The following GRHL2 variants were observed in gnomAD, a reference collection of about 807,000 sequenced individuals.
GRHL2 encodes the protein grainyhead like transcription factor 2, also known as grainyhead-like protein 2 homolog.
GRHL2 carries 21 observed loss-of-function variants against 83.8 expected under a neutral mutation model. The ratio of observed to expected loss-of-function variants is 0.25; its 90% confidence interval spans 0.18 to 0.36. The LOEUF is 0.36. Ranked by LOEUF, GRHL2 falls within the 10% of genes least tolerant of loss-of-function variation. The probability of loss-of-function intolerance (pLI) is 1.00; values close to 1 mark genes in which losing one functional copy is unlikely to be tolerated. For synonymous variants in GRHL2, 280 were observed against 278.9 expected (o/e 1.00, Z -0.04); for missense variants, 623 against 781.8 (o/e 0.80, Z 2.42).
At chr8:101,630,087 C>T (rs1716099584) in intron 9 of GRHL2, among the ~76,000 whole-genome samples, 2 of 152,114 alleles carry the variant, frequency 1.3e-5, no homozygotes, top group Non-Finnish European at 2.9e-5. Context: ...AAATATTCAG[C>T]TATTTCAATT....
At chr8:101,620,792 G>A (rs188512098) in intron 9 of GRHL2, among the ~76,000 whole-genome samples, 3 of 152,266 alleles carry the variant, frequency 2.0e-5, no homozygotes, top group Non-Finnish European at 2.9e-5. Flanking sequence ...TGTGAGACTC[G>A]GGTGGGAGGG....
intron 8 of GRHL2, among the ~76,000 whole-genome samples, chr8:101,604,024 A>G (rs1364756297): frequency 6.7e-6 from 1 of 149,634 alleles, no homozygotes; most frequent in Non-Finnish European, 1.5e-5. Context: ...TTTTGCAAAA[A>G]AAAAAAAAAA....
chr8:101,651,821 T>C (rs1222136857), intron 14 of GRHL2, among the ~76,000 whole-genome samples: 2 of 152,218 alleles, frequency 1.3e-5, no homozygotes, highest in African/African-American at 4.8e-5. Context: ...ATGGCAATTC[T>C]GATTTCATCT....
intron 9 of GRHL2, among the ~76,000 whole-genome samples, chr8:101,620,107 C>T (rs1812934539): frequency 6.6e-6 from 1 of 152,188 alleles, no homozygotes; most frequent in African/African-American, 2.4e-5. Flanking sequence ...GCTGCCTTCT[C>T]ACTGTGTCCT....
At chr8:101,618,433 A>G (rs910995542) in intron 8 of GRHL2, among the ~76,000 whole-genome samples, 6 of 152,106 alleles carry the variant, frequency 3.9e-5, no homozygotes, top group Non-Finnish European at 8.8e-5. Context: ...CTAATTCACT[A>G]TATTTTCTCT....
At position 101,524,458 on chromosome 8, in the gene GRHL2, A is replaced by G. The variant is rs1342748002; in HGVS notation, c.21-18783A>G. On this transcript the variant is annotated intron_variant, in intron 1 of 15. Coordinates refer to ENST00000646743, the MANE Select transcript of GRHL2 (RefSeq NM_024915.4). ...AACTTTTTAGCCTTTGTTCCCATCTAACATAAGCAGTTAAAGTATGAAATT... is the reference window on the plus strand; with the variant it reads ...AACTTTTTAGCCTTTGTTCCCATCTGACATAAGCAGTTAAAGTATGAAATT... Among the ~76,000 whole-genome samples, 5 of 152,148 alleles carry G rather than the reference A, an allele frequency of 3.3e-5. No homozygotes were observed. The East Asian group carries it at 9.6e-4, about 29-fold the overall frequency.
chr8:101,558,682 G>A lies in GRHL2; in HGVS notation c.548G>A (p.Arg183Gln), dbSNP rs142411476. The A allele has an allele frequency of 2.0e-4, 327 of 1,614,158 alleles. No homozygotes were observed. Among genetic ancestry groups the A allele is most frequent in the Non-Finnish European group, 2.3e-4 (271 of 1,180,030 alleles). Residue 183 changes from arginine to glutamine, a missense_variant, in exon 4 of 16, where the codon CGA becomes CAA. By Grantham distance (43) the Arg-to-Gln change is conservative. This residue lies in a region of GRHL2 where 239 missense variants were observed against 240.5 expected (regional missense o/e 0.99). Transcript: ENST00000646743. ...HYPRGDGEEQ[R>Q]VVIFEQTQYD... ...CCCCGGGGAGATGGGGAAGAGCAAC[G>A]AGTGGTTATCTTTGAACAGACTCAG...
intron 8 of GRHL2, among the ~76,000 whole-genome samples, chr8:101,600,224 C>T (rs573392957): frequency 2.6e-5 from 4 of 152,248 alleles, no homozygotes; most frequent in South Asian, 2.1e-4. Context: ...ATAGAGTGCC[C>T]GTACAGCCTG....
chr8:101,572,257 T>G (rs773860842), intron 5 of GRHL2, among the ~76,000 whole-genome samples: 4 of 152,192 alleles, frequency 2.6e-5, no homozygotes, highest in African/African-American at 4.8e-5. Context: ...TCAATGGTAC[T>G]GTGTTGAAAT....
rs267601684 is a variant in GRHL2 at position 101,666,643 on chromosome 8, C to T, written c.1818C>T (p.Thr606=). 2.5e-6 allele frequency: 4 copies of T among 1,613,804 alleles called. No individual in the cohort carries two copies. The East Asian group carries it at 6.7e-5, about 27-fold the overall frequency. ...TCGAGCACTACTCGAACGAGGACAC[C>T]TTCATCCTCAACATGGAGAGCATGG... ...NIIEHYSNED[T]FILNMESMVE... Residue 606 remains threonine (T), a synonymous_variant, in exon 16 of 16, where the codon ACC becomes ACT. Coordinates refer to ENST00000646743, the MANE Select transcript of GRHL2 (RefSeq NM_024915.4).
chr8:101,528,631 A>G (rs1810856148), intron 1 of GRHL2: 1 of 184,158 alleles, frequency 5.4e-6, no homozygotes, highest in Non-Finnish European at 1.2e-5. Flanking sequence ...AATGGAAACC[A>G]CTGGAGAACA....
At chr8:101,548,509 C>T (rs1009955859) in intron 2 of GRHL2, among the ~76,000 whole-genome samples, 1 of 152,074 alleles carries the variant, frequency 6.6e-6, no homozygotes, top group African/African-American at 2.4e-5. Flanking sequence ...GAGAGAGAGA[C>T]AGAGAGTTGG....
At chr8:101,622,512 G>A (rs967938941) in intron 9 of GRHL2, among the ~76,000 whole-genome samples, 1 of 152,038 alleles carries the variant, frequency 6.6e-6, no homozygotes, top group Non-Finnish European at 1.5e-5. Context: ...TATAGACATC[G>A]TACAATTATT....
chr8:101,650,152 T>C (rs1813592153), intron 14 of GRHL2, among the ~76,000 whole-genome samples: 1 of 152,224 alleles, frequency 6.6e-6, no homozygotes, highest in South Asian at 2.1e-4. Context: ...TTTATAGTGA[T>C]AGAGACAACA....
chr8:101,613,134 AAGGCAGAGCACACAGC>A (rs1397778727), intron 8 of GRHL2, among the ~76,000 whole-genome samples: 1 of 150,874 alleles, frequency 6.6e-6, no homozygotes. Flanking sequence ...GACAGCACAG[AAGGCAGAGCACACAGC>A]AGGCAGCGAA....
At chr8:101,514,278 C>A (rs559966126) in intron 1 of GRHL2, among the ~76,000 whole-genome samples, 1 of 152,304 alleles carries the variant, frequency 6.6e-6, no homozygotes, top group Admixed American at 6.5e-5. Flanking sequence ...GAACTGGGAC[C>A]AATAAGTGAA....
chr8:101,657,218 A>C (rs1813811675), intron 14 of GRHL2, among the ~76,000 whole-genome samples: 1 of 152,038 alleles, frequency 6.6e-6, no homozygotes, highest in African/African-American at 2.4e-5. Context: ...ACAGCATATA[A>C]CTCCACATAA....
chr8:101,589,859 G>T (rs1353483505), intron 7 of GRHL2, among the ~76,000 whole-genome samples: 1 of 152,098 alleles, frequency 6.6e-6, no homozygotes, highest in African/African-American at 2.4e-5. Flanking sequence ...GTATGGAAAG[G>T]TGCTCATCTG....
chr8:101,539,666 C>A (rs186120314), intron 1 of GRHL2, among the ~76,000 whole-genome samples: 1 of 152,132 alleles, frequency 6.6e-6, no homozygotes, highest in South Asian at 2.1e-4. Context: ...AATGGACTCT[C>A]CAAAATAAAT....
Sources: allele counts gnomAD v4.1 joint callset (sites outside exome capture counted in the v4.1 genomes callset), GRCh38; gene constraint gnomAD v4.1.1; regional missense constraint gnomAD v4.1.1; transcripts MANE v1.5; gene names NCBI Gene and HGNC (gene_info 2026-07-23, HGNC 2026-07-21).